The following GPC6 variants were observed in gnomAD, a reference collection of about 807,000 sequenced individuals.
The protein encoded by GPC6 is glypican 6, also known as glypican-6.
In GPC6, 14 loss-of-function variants were observed where a neutral mutation model predicts 55.2. The ratio of observed to expected loss-of-function variants is 0.25; its 90% CI spans 0.17 to 0.40. The LOEUF is 0.40. Ranked by LOEUF, GPC6 falls within the 10% of genes least tolerant of loss-of-function variation. GPC6 has a pLI of 1.00. For synonymous variants in GPC6, 278 were observed against 259.6 expected, an observed-to-expected ratio of 1.07 and a Z score of -0.68; for missense variants, 641 against 708.5, an observed-to-expected ratio of 0.90 and a Z score of 1.08.
intron 4 of GPC6, among the ~76,000 whole-genome samples, chr13:94,179,116 A>C (rs1169939551): frequency 6.6e-6 from 1 of 152,198 alleles, no homozygotes; most frequent in East Asian, 1.9e-4. Flanking sequence ...TGGTAGGCAC[A>C]AATGACCTTG....
chr13:94,225,355 T>C (rs1890514824), intron 4 of GPC6, among the ~76,000 whole-genome samples: 1 of 152,142 alleles, frequency 6.6e-6, no homozygotes, highest in African/African-American at 2.4e-5. Context: ...TCAGCCTTCG[T>C]CCACCCAAGC....
intron 1 of GPC6, among the ~76,000 whole-genome samples, chr13:93,458,612 G>A (rs1272417881): frequency 6.6e-6 from 1 of 152,018 alleles, no homozygotes; most frequent in Non-Finnish European, 1.5e-5. Context: ...GTAGAAAATT[G>A]GGGAAAATAT....
intron 1 of GPC6, among the ~76,000 whole-genome samples, chr13:93,368,337 TTTCCTTCCTTCCTTCC>T (rs768601581): frequency 0.11 from 10,167 of 92,436 alleles, 786 homozygotes; most frequent in East Asian, 0.32. Context: ...CCCTCCCTGC[TTTCCTTCCTTCCTTCC>T]TTCCTTCCTT....
chr13:93,478,916 G>C (rs985008449), intron 1 of GPC6, among the ~76,000 whole-genome samples: 1 of 152,146 alleles, frequency 6.6e-6, no homozygotes, highest in Admixed American at 6.5e-5. Flanking sequence ...TGGACCTTTT[G>C]AGAGAGGGGG....
chr13:94,115,678 G>A (rs1004774469), intron 4 of GPC6, among the ~76,000 whole-genome samples: 6 of 152,058 alleles, frequency 3.9e-5, no homozygotes, highest in African/African-American at 1.4e-4. Context: ...GAAATTCCTG[G>A]CCCAGTAACT....
At chr13:93,783,568 A>G (rs1322002488) in intron 2 of GPC6, among the ~76,000 whole-genome samples, 1 of 136,420 alleles carries the variant, frequency 7.3e-6, no homozygotes, top group Non-Finnish European at 1.6e-5. Flanking sequence ...TTTGAGATCT[A>G]TCTATCTGTC....
intron 5 of GPC6, among the ~76,000 whole-genome samples, chr13:94,301,655 C>G (rs527578881): frequency 5.3e-4 from 80 of 152,242 alleles, no homozygotes; most frequent in Non-Finnish European, 9.6e-4. Flanking sequence ...ATTTGACAGA[C>G]GAGCAAACTG....
chr13:93,898,238 G>T (rs4272893), intron 3 of GPC6, among the ~76,000 whole-genome samples: 90,178 of 151,936 alleles, frequency 0.59, 27,455 homozygotes, highest in East Asian at 0.8. Context: ...GCCATCACTG[G>T]CCTTATTGGT....
chr13:93,483,412 G>A (rs1879590216), intron 1 of GPC6, among the ~76,000 whole-genome samples: 1 of 151,968 alleles, frequency 6.6e-6, no homozygotes, highest in South Asian at 2.1e-4. Context: ...ACTTTGTGTT[G>A]TAAAAAGTAA....
intron 3 of GPC6, among the ~76,000 whole-genome samples, chr13:93,973,908 C>T (rs1334507903): frequency 6.6e-6 from 1 of 152,192 alleles, no homozygotes; most frequent in Non-Finnish European, 1.5e-5. Context: ...TTGTCTGCCC[C>T]TCCTTGCAGA....
intron 4 of GPC6, among the ~76,000 whole-genome samples, chr13:94,221,975 T>C (rs1445768262): frequency 6.6e-6 from 1 of 152,056 alleles, no homozygotes; most frequent in Non-Finnish European, 1.5e-5. Context: ...AACTTCCTAG[T>C]TCTTGACCAT....
At chr13:93,985,912 A>G (rs1357857980) in intron 3 of GPC6, among the ~76,000 whole-genome samples, 1 of 151,948 alleles carries the variant, frequency 6.6e-6, no homozygotes, top group East Asian at 1.9e-4. Flanking sequence ...AGTGAGGACA[A>G]CCGGTTCTCT....
At chr13:93,814,198 C>T (rs1594480045) in intron 2 of GPC6, among the ~76,000 whole-genome samples, 1 of 152,074 alleles carries the variant, frequency 6.6e-6, no homozygotes, top group Non-Finnish European at 1.5e-5. Flanking sequence ...TATTCCTGGT[C>T]CTTCACTTCT....
intron 2 of GPC6, among the ~76,000 whole-genome samples, chr13:93,802,018 T>C (rs2138938719): frequency 6.6e-6 from 1 of 152,332 alleles, no homozygotes; most frequent in African/African-American, 2.4e-5. Context: ...ATAGGTAGTA[T>C]ACTAAATTTC....
chr13:93,400,338 CAA>C lies in GPC6; in HGVS notation c.161-144911_161-144910del, dbSNP rs11345982. ...ACAAAACTTGGTGTTAGGCACTGGT[CAA>C]AAAAAAAAAAAAATACAGAGTCCCT... On this transcript the variant is annotated intron_variant, in intron 1 of 8. Coordinates refer to ENST00000377047, the MANE Select transcript of GPC6 (RefSeq NM_005708.5). 7.5e-3 allele frequency among the ~76,000 whole-genome samples: 1,060 copies of C among 141,984 alleles called. 10 individuals carry two copies. The highest frequency in any genetic ancestry group is 0.024 in the African/African-American group (892 of 37,646). The allele number at this position is 141,984 out of a possible 152,430, so 93.1% of individuals were successfully genotyped here.
At chr13:94,034,112 T>C (rs1355261318) in intron 4 of GPC6, among the ~76,000 whole-genome samples, 1 of 152,056 alleles carries the variant, frequency 6.6e-6, no homozygotes, top group Admixed American at 6.6e-5. Flanking sequence ...TTCTCATTTC[T>C]TGTGGGCATT....
chr13:94,381,077 C>A (rs1413617391), intron 6 of GPC6, among the ~76,000 whole-genome samples: 1 of 152,190 alleles, frequency 6.6e-6, no homozygotes, highest in Admixed American at 6.5e-5. Flanking sequence ...CCCCTTGCTT[C>A]ATCACTTGAT....
intron 2 of GPC6, among the ~76,000 whole-genome samples, chr13:93,804,503 A>G (rs1886481447): frequency 6.6e-6 from 1 of 152,310 alleles, no homozygotes; most frequent in Non-Finnish European, 1.5e-5. Context: ...CCTCCAGAAC[A>G]TTTTAATTTT....
chr13:93,446,258 T>C (rs1159843905), intron 1 of GPC6, among the ~76,000 whole-genome samples: 1 of 152,116 alleles, frequency 6.6e-6, no homozygotes, highest in Non-Finnish European at 1.5e-5. Flanking sequence ...TCAAAAGTGC[T>C]CAGAGATGTG....
Sources: allele counts gnomAD v4.1 joint callset (sites outside exome capture counted in the v4.1 genomes callset), GRCh38; gene constraint gnomAD v4.1.1; transcripts MANE v1.5; gene names NCBI Gene and HGNC (gene_info 2026-07-23, HGNC 2026-07-21).